Variants in RGS6 observed in about 807,000 individuals in gnomAD.
RGS6 encodes regulator of G protein signaling 6, also known as regulator of G-protein signaling 6.
In RGS6, 30 loss-of-function variants were observed where a neutral mutation model predicts 78.5. The ratio of observed to expected loss-of-function variants is 0.38; its 90% CI spans 0.29 to 0.52. The LOEUF is 0.52. RGS6 is among the 20% of genes least tolerant of loss of function. The probability of loss-of-function intolerance (pLI) is 0.85; values close to 1 mark genes in which losing one functional copy is unlikely to be tolerated. For synonymous variants in RGS6, 206 were observed against 206.0 expected, an observed-to-expected ratio of 1.00 and a Z score of 0.00; for missense variants, 495 against 609.7, an observed-to-expected ratio of 0.81 and a Z score of 1.98.
chr14:72,306,812 A>G (rs2067342670), intron 2 of RGS6, among the ~76,000 whole-genome samples: 1 of 152,250 alleles, frequency 6.6e-6, no homozygotes, highest in Non-Finnish European at 1.5e-5. Context: ...GCTCCTGGTG[A>G]AAATGCTATG....
chr14:72,216,608 GT>G (rs756009200), intron 2 of RGS6, among the ~76,000 whole-genome samples: 9 of 152,130 alleles, frequency 5.9e-5, no homozygotes, highest in Non-Finnish European at 1.0e-4. Flanking sequence ...CTAATTGCAG[GT>G]CTTACAATTT....
intron 2 of RGS6, among the ~76,000 whole-genome samples, chr14:72,107,243 CA>C (rs375088598): frequency 2.1e-4 from 31 of 144,988 alleles, no homozygotes; most frequent in African/African-American, 6.8e-4. Context: ...AAGAAAAAAA[CA>C]AAAAAAAAAC....
chr14:72,363,158 G>A (rs966211545), intron 3 of RGS6, among the ~76,000 whole-genome samples: 27 of 152,134 alleles, frequency 1.8e-4, no homozygotes, highest in African/African-American at 6.3e-4. Context: ...TCCAAAGGTG[G>A]GGCTGCTTTT....
chr14:72,456,820 G>A (rs1040105998), intron 4 of RGS6, among the ~76,000 whole-genome samples: 2 of 152,062 alleles, frequency 1.3e-5, no homozygotes, highest in Non-Finnish European at 2.9e-5. Context: ...GCTCATGCCT[G>A]TAATCGCAGC....
chr14:72,057,185 G>C (rs1040584621), intron 2 of RGS6, among the ~76,000 whole-genome samples: 1 of 151,826 alleles, frequency 6.6e-6, no homozygotes, highest in African/African-American at 2.4e-5. Context: ...GTGGTGGCAG[G>C]TGCCTGTAAT....
rs188565322 is a variant in RGS6, at chr14:72,314,334, A to G, written c.85-37761A>G. Among the ~76,000 whole-genome samples the G allele has an allele frequency of 1.4e-3, 215 of 152,298 alleles. 1 individual carries two copies. Among genetic ancestry groups the G allele is most frequent in the South Asian group, 5.2e-3 (25 of 4,824 alleles). Reference sequence around the variant, plus strand: ...ATCACAAGATGGCTGCTGTGGGTCCAGGCATCACAACATGGTCAGGAGAAG... The same window carrying G: ...ATCACAAGATGGCTGCTGTGGGTCCGGGCATCACAACATGGTCAGGAGAAG... On this transcript the variant is annotated intron_variant, in intron 2 of 17. Coordinates refer to ENST00000553525, the MANE Select transcript of RGS6 (RefSeq NM_001204424.2).
chr14:72,460,086 G>A (rs542319715), intron 6 of RGS6, among the ~76,000 whole-genome samples: 1 of 152,264 alleles, frequency 6.6e-6, no homozygotes, highest in South Asian at 2.1e-4. Context: ...TCATAGACTT[G>A]TCAAAACTTA....
chr14:72,095,114 G>T (rs1031963542), intron 2 of RGS6, among the ~76,000 whole-genome samples: 1 of 151,920 alleles, frequency 6.6e-6, no homozygotes, highest in Non-Finnish European at 1.5e-5. Context: ...ATGTACCTCC[G>T]CATCAGCCAT....
chr14:72,018,227 A>G (rs2087526639), intron 2 of RGS6, among the ~76,000 whole-genome samples: 1 of 152,146 alleles, frequency 6.6e-6, no homozygotes, highest in Non-Finnish European at 1.5e-5. Flanking sequence ...TCATGATTGA[A>G]TGTTGAATTT....
intron 2 of RGS6, among the ~76,000 whole-genome samples, chr14:72,350,078 G>T (rs61995111): frequency 6.6e-6 from 1 of 152,220 alleles, no homozygotes; most frequent in Non-Finnish European, 1.5e-5. Context: ...TAACTGAGAT[G>T]ATTAACATGA....
intron 12 of RGS6, among the ~76,000 whole-genome samples, chr14:72,485,026 G>A (rs1381707421): frequency 3.3e-5 from 5 of 149,560 alleles, no homozygotes; most frequent in Admixed American, 6.7e-5. Flanking sequence ...TCAAGACCCA[G>A]TTCAAAGCCC....
Position 72,112,544 on chromosome 14 carries a change from G to A in RGS6, c.84+147669G>A, listed in dbSNP as rs892414613. On this transcript the variant is annotated intron_variant, in intron 2 of 17. Coordinates refer to ENST00000553525, the MANE Select transcript of RGS6 (RefSeq NM_001204424.2). Reference sequence around the variant, plus strand: ...AATGGTCCTCTTAGGGCAAAATAATGGGTGTGAAATCGTGGATGGTCCAAC... The same window carrying A: ...AATGGTCCTCTTAGGGCAAAATAATAGGTGTGAAATCGTGGATGGTCCAAC... Among the ~76,000 whole-genome samples, 7 of 152,152 alleles carry A rather than the reference G, an allele frequency of 4.6e-5. 1 individual carries two copies. The highest frequency in any genetic ancestry group is 6.5e-5 in the Admixed American group (1 of 15,276).
rs1038020942 is a variant in RGS6 at position 72,251,943 on chromosome 14, T to G, written c.85-100152T>G. On this transcript the variant is annotated intron_variant, in intron 2 of 17. Transcript: ENST00000553525. ...GCCTTATACATTTTCTAATGACTAT[T>G]AGCCAAGTGGGAAACTTGTTGAAGG... Among the ~76,000 whole-genome samples the G allele has an allele frequency of 2.0e-5, 3 of 152,272 alleles. No homozygotes were observed. The East Asian group carries it at 5.8e-4, about 29-fold the overall frequency.
chr14:72,454,642 C>A, intron 4 of RGS6, 64 bp downstream of exon 4: 1 of 1,371,152 alleles, frequency 7.3e-7, no homozygotes, highest in South Asian at 1.3e-5. Context: ...TAACCAAGTT[C>A]CAAACTAGAT....
At chr14:72,083,596 A>T (rs1255514609) in intron 2 of RGS6, among the ~76,000 whole-genome samples, 1 of 152,080 alleles carries the variant, frequency 6.6e-6, no homozygotes, top group Non-Finnish European at 1.5e-5. Flanking sequence ...CCTCGGATGG[A>T]GCTGGTCTTC....
At chr14:72,284,878 C>T (rs937280674) in intron 2 of RGS6, among the ~76,000 whole-genome samples, 9 of 152,216 alleles carry the variant, frequency 5.9e-5, no homozygotes, top group East Asian at 3.9e-4. Context: ...CCTCTTGCAT[C>T]GGCGTGACCT....
At chr14:72,595,035 T>C in the RGS6 span, 1 of 152,202 alleles carries the variant, frequency 6.6e-6, no homozygotes. Flanking sequence ...ATTTTCATAG[T>C]CTTTGCTAAG....
chr14:72,200,967 A>G lies in RGS6; in HGVS notation c.85-151128A>G, dbSNP rs1263744941. ...CTCCTGAATGTGCTCTGCTTAAAAA[A>G]AAAAAAAAAAAAAAAAAAAAGAAGA... On this transcript the variant is annotated intron_variant, in intron 2 of 17. Coordinates refer to ENST00000553525, the MANE Select transcript of RGS6 (RefSeq NM_001204424.2). Among the ~76,000 whole-genome samples, 3 of 52,956 alleles carry G rather than the reference A, an allele frequency of 5.7e-5. No individual in the cohort carries two copies. In the Admixed American group the frequency reaches 6.3e-4, roughly 11 times the overall value. The allele number at this position is 52,956 out of a possible 152,430, so 34.7% of individuals were successfully genotyped here. A position where few individuals can be genotyped will look rare whatever the true frequency, so the allele number is the denominator to read the frequency against.
At chr14:72,432,388 C>G (rs888353020) in intron 3 of RGS6, among the ~76,000 whole-genome samples, 6 of 152,188 alleles carry the variant, frequency 3.9e-5, no homozygotes, top group African/African-American at 1.2e-4. Flanking sequence ...GGGAGGGAGA[C>G]AGCCTCTGCC....
Sources: allele counts gnomAD v4.1 joint callset (sites outside exome capture counted in the v4.1 genomes callset), GRCh38; gene constraint gnomAD v4.1.1; transcripts MANE v1.5; gene names NCBI Gene and HGNC (gene_info 2026-07-23, HGNC 2026-07-21).